INSYN1: variants seen among roughly 807,000 people sequenced by gnomAD.
INSYN1 encodes the protein inhibitory synaptic factor 1.
A neutral mutation model predicts 17.1 loss-of-function variants in INSYN1; 7 were observed. The observed-to-expected ratio is 0.41, with a 90% confidence interval of 0.23 to 0.77. The LOEUF (loss-of-function observed/expected upper bound fraction) is 0.77, where lower values mean the gene tolerates loss of function less well. Among genes scored for constraint, INSYN1 ranks in the 30% least tolerant of loss-of-function variants. The probability of loss-of-function intolerance (pLI) is 0.32; values close to 1 mark genes in which losing one functional copy is unlikely to be tolerated. For synonymous variants in INSYN1, 174 were observed against 166.3 expected (o/e 1.05, Z -0.36); for missense variants, 339 against 400.6 (o/e 0.85, Z 1.31).
intron 2 of INSYN1, among the ~76,000 whole-genome samples, chr15:73,742,393 G>A (rs1225142167): frequency 3.9e-5 from 6 of 152,174 alleles, no homozygotes; most frequent in Admixed American, 3.9e-4. Context: ...AGAGCTTCAT[G>A]AAGGACAGTG....
At chr15:73,750,331 T>C (rs1173597529) in intron 2 of INSYN1, among the ~76,000 whole-genome samples, 1 of 152,148 alleles carries the variant, frequency 6.6e-6, no homozygotes, top group Admixed American at 6.5e-5. Context: ...CAAAAATATT[T>C]AGAACAGTGG....
At chr15:73,748,897 G>C (rs986508694) in intron 2 of INSYN1, among the ~76,000 whole-genome samples, 2 of 152,206 alleles carry the variant, frequency 1.3e-5, no homozygotes, top group East Asian at 3.9e-4. Flanking sequence ...TTGGCAGCGG[G>C]CAGGCAGTGG....
rs1183390370 is a variant in INSYN1 at position 73,736,887 on chromosome 15, C to T, written c.*3030G>A. 5.8e-5 allele frequency: 5 copies of T among 85,900 alleles called. No homozygotes were observed. Among genetic ancestry groups the T allele is most frequent in the Admixed American group, 1.4e-4 (1 of 7,138 alleles). 5.3% of individuals were successfully genotyped at this position (85,900 alleles called of 1,614,324 possible). The stretch of plus-strand genomic sequence containing the variant: ...CTCCAGCCTGGATGATAGAGGGAGA[C>T]TCCATCTAAAAAAAAACAAAACAAA... On this transcript the variant is annotated 3_prime_UTR_variant, in exon 3 of 3. Transcript: ENST00000569673.
intron 2 of INSYN1, 61 bp from the exon 3 acceptor site, chr15:73,740,703 G>GGAGACACACTCACACC: frequency 2.2e-6 from 3 of 1,341,372 alleles, no homozygotes; most frequent in Non-Finnish European, 3.1e-6. Context: ...TCAGCCAGGT[G>GGAGACACACTCACACC]TGAGTGTGTC....
In INSYN1 at chr15:73,740,437, G is replaced by C. The variant is rs144142309; in HGVS notation, c.362C>G (p.Pro121Arg). ...CTCGGGACCATCCACGGAGTCCGAG[G>C]GGGTAGAGACGTCCAGGAAGGAGCA... ...EFCSFLDVSTPSDSVDGPEST... is the reference protein window; with the variant it reads ...EFCSFLDVSTRSDSVDGPEST... The change falls in exon 3 of 3, where the codon CCC becomes CGC. Residue 121 changes from proline (P) to arginine (R), a missense_variant. By Grantham distance (103) the Pro-to-Arg change is moderately radical. Transcript: ENST00000569673. 1.2e-5 allele frequency: 19 copies of C among 1,613,668 alleles called. No homozygotes were observed. The South Asian group carries it at 1.5e-4, about 13-fold the overall frequency.
intron 2 of INSYN1, among the ~76,000 whole-genome samples, chr15:73,744,855 G>A (rs767769107): frequency 5.3e-5 from 8 of 152,150 alleles, no homozygotes; most frequent in Non-Finnish European, 8.8e-5. Flanking sequence ...TGTGTTTGCC[G>A]AGGGGGGCAA....
Position 73,737,922 on chromosome 15 carries a change from G to T in INSYN1, c.*1995C>A, listed in dbSNP as rs543291739. 3.3e-5 allele frequency: 5 copies of T among 152,398 alleles called. No individual in the cohort carries two copies. The East Asian group carries it at 9.7e-4, about 29-fold the overall frequency. 9.4% of individuals were successfully genotyped at this position (152,398 alleles called of 1,614,324 possible). On this transcript the variant is annotated 3_prime_UTR_variant, in exon 3 of 3. Transcript: ENST00000569673. Reference sequence around the variant, plus strand: ...TGCCAGTCCCACCTCCCTGCTCTGAGCGAGGGGCTGTGAATCAAGCTGCAG... The same window carrying T: ...TGCCAGTCCCACCTCCCTGCTCTGATCGAGGGGCTGTGAATCAAGCTGCAG...
intron 2 of INSYN1, among the ~76,000 whole-genome samples, chr15:73,744,643 T>C (rs2141467975): frequency 6.6e-6 from 1 of 152,282 alleles, no homozygotes; most frequent in Middle Eastern, 3.4e-3. Context: ...TTGAAATCTG[T>C]GATTTTTCCC....
intron 2 of INSYN1, among the ~76,000 whole-genome samples, chr15:73,741,660 A>T (rs1316262131): frequency 6.6e-6 from 1 of 152,200 alleles, no homozygotes; most frequent in Admixed American, 6.5e-5. Context: ...CAGAAAAACA[A>T]TGAAAACAAA....
rs76157524 is a variant in INSYN1, at chr15:73,738,265, C to A, written c.*1652G>T. 5,694 of 152,452 alleles carry A rather than the reference C, an allele frequency of 0.037. 133 individuals are homozygous for A. Among genetic ancestry groups the A allele is most frequent in the Non-Finnish European group, 0.056 (3,829 of 68,130 alleles). 9.4% of individuals were successfully genotyped at this position (152,452 alleles called of 1,614,324 possible). A position where few individuals can be genotyped will look rare whatever the true frequency, so the allele number is the denominator to read the frequency against. On this transcript the variant is annotated 3_prime_UTR_variant, in exon 3 of 3. Coordinates refer to ENST00000569673, the MANE Select transcript of INSYN1 (RefSeq NM_001039614.3). ...GGCAAACGGACTTGCCAAGGTCACA[C>A]AGCTGCTAGCTAGCAGAGCCAGGCA...
chr15:73,739,910 C>G lies in INSYN1; in HGVS notation c.*7G>C. ...GTGCCCACCGCCCCCGGCCCCCTCC[C>G]CGGCCCCTAGTTTTTCCCCCTGGCT... On this transcript the variant is annotated 3_prime_UTR_variant, in exon 3 of 3. Coordinates refer to ENST00000569673, the MANE Select transcript of INSYN1 (RefSeq NM_001039614.3). 1 of 1,476,680 alleles carries G rather than the reference C, an allele frequency of 6.8e-7. No homozygotes were observed. The highest frequency in any genetic ancestry group is 9.3e-7 in the Non-Finnish European group (1 of 1,069,596). 91.5% of individuals were successfully genotyped at this position (1,476,680 alleles called of 1,614,324 possible). A position where few individuals can be genotyped will look rare whatever the true frequency, so the allele number is the denominator to read the frequency against.
chr15:73,747,879 T>C (rs1901878308), intron 2 of INSYN1, among the ~76,000 whole-genome samples: 1 of 152,146 alleles, frequency 6.6e-6, no homozygotes, highest in East Asian at 1.9e-4. Flanking sequence ...TGCAGCACAA[T>C]TTTAGCTTTC....
chr15:73,741,496 G>A (rs1901690531), intron 2 of INSYN1, among the ~76,000 whole-genome samples: 1 of 152,182 alleles, frequency 6.6e-6, no homozygotes, highest in Non-Finnish European at 1.5e-5. Context: ...CTATACAGAA[G>A]GCCCTGGCTT....
In INSYN1 at chr15:73,753,259, C is replaced by CT. The variant is rs1902045214; in HGVS notation, c.-1718_-1717insA. Among the ~76,000 whole-genome samples, 1 of 147,192 alleles carries CT rather than the reference C, an allele frequency of 6.8e-6. No individual in the cohort carries two copies. Among genetic ancestry groups the CT allele is most frequent in the Non-Finnish European group, 1.5e-5 (1 of 66,402 alleles). On this transcript the variant is annotated 5_prime_UTR_variant, in exon 1 of 3. Coordinates refer to ENST00000569673, the MANE Select transcript of INSYN1 (RefSeq NM_001039614.3). This position sits in a 1 kb window ranked among gnomAD's most constrained non-coding sequence, Gnocchi z 4.2. ...GCCCCCGGCCCGCCCCGCCGCCCCC[C>CT]GCCGGACTGGCCGCCCGGGCGGGCG...
In INSYN1 at chr15:73,737,007, C is replaced by T. The variant is rs1282704026; in HGVS notation, c.*2910G>A. 6.6e-6 allele frequency: 1 copy of T among 152,326 alleles called. No homozygotes were observed. Among genetic ancestry groups the T allele is most frequent in the Admixed American group, 6.5e-5 (1 of 15,286 alleles). 9.4% of individuals were successfully genotyped at this position (152,326 alleles called of 1,614,324 possible). On this transcript the variant is annotated 3_prime_UTR_variant, in exon 3 of 3. Transcript: ENST00000569673. ...AAATTGTGAAGTCAGCCAAGTACTA[C>T]CTATATCCCACTTCCCCCTCCTCCA...
chr15:73,740,670 G>A, intron 2 of INSYN1, 28 bp from the exon 3 acceptor site: 1 of 1,576,150 alleles, frequency 6.3e-7, no homozygotes, highest in African/African-American at 1.3e-5. Flanking sequence ...GAGGAGATGA[G>A]AGGGGCCAGG....
rs1445090971 is a variant in INSYN1 at position 73,746,492 on chromosome 15, G to A, written c.156+4483C>T. Among the ~76,000 whole-genome samples, 7 of 152,284 alleles carry A rather than the reference G, an allele frequency of 4.6e-5. No homozygotes were observed. The East Asian group carries it at 1.4e-3, about 29-fold the overall frequency. ...TTTATCTCACACTTGCATGGCCTAT[G>A]GCTTTCCCTGCCACCTTCAGACAAA... On this transcript the variant is annotated intron_variant, in intron 2 of 2. Coordinates refer to ENST00000569673, the MANE Select transcript of INSYN1 (RefSeq NM_001039614.3).
In INSYN1 at chr15:73,751,464, G is replaced by A. The variant is rs897623196; in HGVS notation, c.-334C>T. ...GTGTGCAGAGCTGATCTCTGCCTGA[G>A]CTTGAACACAGAGGCAGGGGGATGA... On this transcript the variant is annotated 5_prime_UTR_variant, in exon 2 of 3. Coordinates refer to ENST00000569673, the MANE Select transcript of INSYN1 (RefSeq NM_001039614.3). 6 of 336,148 alleles carry A rather than the reference G, an allele frequency of 1.8e-5. No individual in the cohort carries two copies. The East Asian group carries it at 2.4e-4, about 13-fold the overall frequency. 20.8% of individuals were successfully genotyped at this position (336,148 alleles called of 1,614,324 possible). A position where few individuals can be genotyped will look rare whatever the true frequency, so the allele number is the denominator to read the frequency against.
chr15:73,748,593 G>C (rs1218618425), intron 2 of INSYN1, among the ~76,000 whole-genome samples: 1 of 152,224 alleles, frequency 6.6e-6, no homozygotes, highest in Non-Finnish European at 1.5e-5. Flanking sequence ...GAGCCAGGCA[G>C]ATTCAGCTTT....
Sources: gnomAD v4.1 joint callset for allele counts (sites outside exome capture counted in the v4.1 genomes callset) on GRCh38, gnomAD v4.1.1 for gene constraint, Gnocchi (gnomAD v3.1) non-coding constraint, MANE v1.5 for transcripts, NCBI Gene and HGNC (gene_info 2026-07-23, HGNC 2026-07-21) for gene names.